The following NAALADL2 variants were observed in gnomAD, a reference collection of about 807,000 sequenced individuals.
NAALADL2 encodes N-acetylated alpha-linked acidic dipeptidase like 2.
Under a neutral mutation model 87.2 loss-of-function variants are expected in NAALADL2, and 76 were observed. The observed-to-expected ratio is 0.87, with a 90% CI of 0.72 to 1.05. The LOEUF is 1.05. NAALADL2 is among the 50% of genes least tolerant of loss of function. NAALADL2 has a pLI of 0.00. For synonymous variants in NAALADL2, 354 were observed against 331.0 expected (o/e 1.07, Z -0.75); for missense variants, 1,089 against 945.8 (o/e 1.15, Z -1.99).
intron 13 of NAALADL2, among the ~76,000 whole-genome samples, chr3:175,789,830 C>T (rs1752560019): frequency 6.6e-6 from 1 of 151,986 alleles, no homozygotes; most frequent in Non-Finnish European, 1.5e-5. Flanking sequence ...TCAGATAGTA[C>T]CACACATCTT....
rs1048710151 is a variant in NAALADL2 at position 175,211,796 on chromosome 3, A to T, written c.546-22135A>T. ...ATATTTCTTAATGGAAATAGTATGT[A>T]CAAGGAAATGCTCTTAAATTTTCTT... On this transcript the variant is annotated intron_variant, in intron 2 of 13. Transcript: ENST00000454872. 7.8e-4 allele frequency among the ~76,000 whole-genome samples: 119 copies of T among 152,018 alleles called. 2 individuals are homozygous for T. The highest frequency in any genetic ancestry group is 2.8e-4 in the Non-Finnish European group (19 of 67,914).
At chr3:174,960,793 A>G (rs1236693661) in intron 1 of NAALADL2, among the ~76,000 whole-genome samples, 2 of 151,942 alleles carry the variant, frequency 1.3e-5, no homozygotes, top group African/African-American at 2.4e-5. Flanking sequence ...TCTAGATAGA[A>G]GGACTTGCCT....
chr3:174,481,833 C>T (rs1036666142), intron 1 of NAALADL2, among the ~76,000 whole-genome samples: 19 of 152,032 alleles, frequency 1.2e-4, no homozygotes, highest in African/African-American at 4.6e-4. Context: ...ATGTTATCTA[C>T]CAAGGAAGAT....
intron 4 of NAALADL2, among the ~76,000 whole-genome samples, chr3:175,290,608 A>G (rs962710155): frequency 4.6e-5 from 7 of 152,222 alleles, no homozygotes; most frequent in Non-Finnish European, 8.8e-5. Flanking sequence ...TATGAAAATT[A>G]TATCTTAACC....
intron 5 of NAALADL2, among the ~76,000 whole-genome samples, chr3:175,361,643 C>G (rs1303382570): frequency 6.8e-6 from 1 of 148,054 alleles, no homozygotes; most frequent in South Asian, 2.2e-4. Context: ...TTTCATGTGT[C>G]TTTTGGTTGC....
At chr3:175,799,134 A>T (rs1005761866) in intron 13 of NAALADL2, among the ~76,000 whole-genome samples, 2 of 152,094 alleles carry the variant, frequency 1.3e-5, no homozygotes, top group African/African-American at 2.4e-5. Context: ...ATACAATTTT[A>T]AAAATATCGA....
intron 1 of NAALADL2, among the ~76,000 whole-genome samples, chr3:175,094,510 A>G (rs914200035): frequency 6.6e-6 from 1 of 151,900 alleles, no homozygotes; most frequent in African/African-American, 2.4e-5. Context: ...AACCTATCTG[A>G]ATAGCTATCA....
At chr3:175,054,775 C>T (rs1711760816) in intron 1 of NAALADL2, among the ~76,000 whole-genome samples, 2 of 152,116 alleles carry the variant, frequency 1.3e-5, no homozygotes, top group South Asian at 4.1e-4. Flanking sequence ...TTCCTAGTCC[C>T]CTAACAGGGA....
chr3:174,810,597 C>CAAA (rs71624292), intron 3 of NAALADL2, among the ~76,000 whole-genome samples: 7 of 110,110 alleles, frequency 6.4e-5, no homozygotes, highest in Admixed American at 1.8e-4. Context: ...TATATGTAAG[C>CAAA]AAAAAAAAAA....
At chr3:175,007,824 A>G (rs990677530) in intron 1 of NAALADL2, among the ~76,000 whole-genome samples, 1 of 152,178 alleles carries the variant, frequency 6.6e-6, no homozygotes, top group African/African-American at 2.4e-5. Context: ...CTATAATAAA[A>G]TAGAATAATT....
At chr3:174,828,164 C>CACAA (rs879799664) in intron 3 of NAALADL2, among the ~76,000 whole-genome samples, 2,934 of 151,562 alleles carry the variant, frequency 0.019, 102 homozygotes, top group African/African-American at 0.068. Context: ...CTGAAACCAA[C>CACAA]CACACACAAC....
intron 2 of NAALADL2, among the ~76,000 whole-genome samples, chr3:174,592,854 C>G (rs1198394241): frequency 6.6e-6 from 1 of 151,454 alleles, no homozygotes; most frequent in East Asian, 1.9e-4. Flanking sequence ...TGTTTAGCAA[C>G]AGATTTGAAT....
intron 2 of NAALADL2, among the ~76,000 whole-genome samples, chr3:175,214,538 A>T (rs1258501218): frequency 6.6e-5 from 10 of 152,180 alleles, no homozygotes; most frequent in Non-Finnish European, 1.5e-5. Flanking sequence ...GGTGAATTAA[A>T]TTATTGCTTA....
chr3:175,704,067 G>A (rs974146557), intron 11 of NAALADL2, among the ~76,000 whole-genome samples: 7 of 152,082 alleles, frequency 4.6e-5, no homozygotes, highest in African/African-American at 1.7e-4. Flanking sequence ...GCTCTGCGAG[G>A]AAAAACTTTC....
At chr3:174,826,076 TCAAA>T (rs200801801) in intron 3 of NAALADL2, among the ~76,000 whole-genome samples, 2,746 of 151,078 alleles carry the variant, frequency 0.018, 75 homozygotes, top group African/African-American at 0.063. Context: ...ACAACAACAA[TCAAA>T]CAAAATCCAA....
intron 1 of NAALADL2, among the ~76,000 whole-genome samples, chr3:174,935,273 G>A (rs1560384800): frequency 6.6e-6 from 1 of 152,118 alleles, no homozygotes; most frequent in Non-Finnish European, 1.5e-5. Context: ...GCGTTTGCCT[G>A]GGTGTTCTTT....
At chr3:175,667,754 T>A (rs1165843310) in intron 11 of NAALADL2, among the ~76,000 whole-genome samples, 1 of 151,308 alleles carries the variant, frequency 6.6e-6, no homozygotes, top group Non-Finnish European at 1.5e-5. Flanking sequence ...TTTTTTTTTT[T>A]TTTTTTTCTG....
intron 5 of NAALADL2, among the ~76,000 whole-genome samples, chr3:175,416,714 C>T (rs932709591): frequency 6.6e-6 from 1 of 151,966 alleles, no homozygotes; most frequent in South Asian, 2.1e-4. Flanking sequence ...AACTTTTAGC[C>T]CTTAAGGCTC....
At chr3:175,768,167 A>T (rs1169024949) in intron 13 of NAALADL2, among the ~76,000 whole-genome samples, 1 of 152,158 alleles carries the variant, frequency 6.6e-6, no homozygotes, top group Non-Finnish European at 1.5e-5. Context: ...AACAATGGTT[A>T]GGCTATCAGG....
Sources: gnomAD v4.1 joint callset for allele counts (sites outside exome capture counted in the v4.1 genomes callset) on GRCh38, gnomAD v4.1.1 for gene constraint, MANE v1.5 for transcripts, NCBI Gene and HGNC (gene_info 2026-07-23, HGNC 2026-07-21) for gene names.